Variants in STK3 observed in about 807,000 individuals in gnomAD.
The protein encoded by STK3 is serine/threonine kinase 3, also known as serine/threonine-protein kinase 3.
A neutral mutation model predicts 58.0 loss-of-function variants in STK3; 41 were observed. The observed-to-expected ratio is 0.71, with a 90% CI of 0.55 to 0.92. The LOEUF (loss-of-function observed/expected upper bound fraction) is 0.92. Ranked by LOEUF, STK3 falls within the 40% of genes least tolerant of loss-of-function variation. The pLI is 0.00. For missense variants in STK3, 479 were observed against 602.7 expected, an observed-to-expected ratio of 0.79 and a Z score of 2.15; for synonymous variants, 170 against 191.0, an observed-to-expected ratio of 0.89 and a Z score of 0.91.
chr8:98,812,941 C>G (rs1834316406), intron 1 of STK3, among the ~76,000 whole-genome samples: 1 of 150,910 alleles, frequency 6.6e-6, no homozygotes, highest in Non-Finnish European at 1.5e-5. Context: ...ATGTAAATGA[C>G]AAGTTAATGG....
At chr8:98,675,420 T>C (rs937598600) in intron 6 of STK3, among the ~76,000 whole-genome samples, 4 of 152,230 alleles carry the variant, frequency 2.6e-5, no homozygotes, top group Non-Finnish European at 5.9e-5. Flanking sequence ...ACAAATATTA[T>C]GCATTTTATA....
chr8:98,845,430 T>C (rs912848860), intron 3 of STK3, among the ~76,000 whole-genome samples: 1 of 152,196 alleles, frequency 6.6e-6, no homozygotes, highest in Non-Finnish European at 1.5e-5. Flanking sequence ...TGAGATCTTT[T>C]ATAACTGAGA....
chr8:98,750,135 C>G (rs190504633), intron 3 of STK3, among the ~76,000 whole-genome samples: 2 of 152,194 alleles, frequency 1.3e-5, no homozygotes, highest in East Asian at 3.9e-4. Flanking sequence ...AAATAGGACA[C>G]AACTTTAATG....
chr8:98,828,175 T>C (rs915251246), upstream of STK3, among the ~76,000 whole-genome samples: 2 of 151,896 alleles, frequency 1.3e-5, no homozygotes, highest in African/African-American at 4.8e-5. Flanking sequence ...AGGGTTTCAC[T>C]ATGTTGGCCA....
intron 1 of STK3, among the ~76,000 whole-genome samples, chr8:98,445,036 T>C (rs146488723): frequency 1.0e-3 from 156 of 152,280 alleles, no homozygotes; most frequent in African/African-American, 3.6e-3. Context: ...TATCTTTTGT[T>C]TTCTGTAGTT....
intron 1 of STK3, among the ~76,000 whole-genome samples, chr8:98,893,848 A>G (rs1251039064): frequency 1.3e-5 from 2 of 152,228 alleles, no homozygotes; most frequent in Non-Finnish European, 2.9e-5. Context: ...ACCCTGGCCA[A>G]TTTGACCAAA....
At chr8:98,504,995 G>T (rs556072396) in intron 10 of STK3, among the ~76,000 whole-genome samples, 1 of 152,170 alleles carries the variant, frequency 6.6e-6, no homozygotes, top group South Asian at 2.1e-4. Context: ...TTTCCAATTT[G>T]GTTCCATTCT....
intron 6 of STK3, among the ~76,000 whole-genome samples, chr8:98,622,101 T>TAA (rs35431395): frequency 1.3e-3 from 119 of 91,394 alleles, no homozygotes; most frequent in South Asian, 5.0e-3. Flanking sequence ...CTGTCTCTAC[T>TAA]AAAAAAAAAA....
downstream of STK3, among the ~76,000 whole-genome samples, chr8:98,369,369 G>A (rs1817590693): frequency 6.6e-6 from 1 of 152,168 alleles, no homozygotes; most frequent in African/African-American, 2.4e-5. Flanking sequence ...CAAAAGCAAT[G>A]TATTAAGATT....
intron 3 of STK3, among the ~76,000 whole-genome samples, chr8:98,848,162 C>T (rs779791288): frequency 2.0e-5 from 3 of 152,156 alleles, no homozygotes; most frequent in South Asian, 2.1e-4. Context: ...CATTTTAGAA[C>T]ATTTTTATCA....
intron 1 of STK3, among the ~76,000 whole-genome samples, chr8:98,823,709 G>GT (rs1265641175): frequency 6.6e-6 from 1 of 151,988 alleles, no homozygotes; most frequent in Non-Finnish European, 1.5e-5. Flanking sequence ...TTTTGTTTTT[G>GT]TTTTTTTGAG....
intron 10 of STK3, 90 bp from the exon 11 acceptor site, chr8:98,456,090 GTT>G: frequency 8.1e-7 from 1 of 1,236,020 alleles, no homozygotes; most frequent in South Asian, 1.5e-5. Flanking sequence ...TGTCTAATGA[GTT>G]TTAACATAAA....
At chr8:98,635,470 C>G (rs1299941414) in intron 6 of STK3, among the ~76,000 whole-genome samples, 1 of 152,066 alleles carries the variant, frequency 6.6e-6, no homozygotes, top group Non-Finnish European at 1.5e-5. Context: ...AAATAAAGGA[C>G]AGAGTTGAAA....
At chr8:98,516,344 G>A (rs955383743) in intron 10 of STK3, among the ~76,000 whole-genome samples, 2 of 151,962 alleles carry the variant, frequency 1.3e-5, no homozygotes, top group Non-Finnish European at 2.9e-5. Flanking sequence ...TTTAAAAAAT[G>A]ACAACAAAAA....
chr8:98,386,144 T>C (rs1817789567), intron 1 of STK3, among the ~76,000 whole-genome samples: 1 of 152,150 alleles, frequency 6.6e-6, no homozygotes, highest in Non-Finnish European at 1.5e-5. Context: ...ACAACCCCTA[T>C]AGAAAGAAAT....
chr8:98,446,007 G>C (rs2131106967), intron 1 of STK3, among the ~76,000 whole-genome samples: 1 of 151,986 alleles, frequency 6.6e-6, no homozygotes. Context: ...CTAAACTGCA[G>C]GGCAGAGAGA....
At chr8:98,527,597 G>A (rs2131488268) in intron 9 of STK3, among the ~76,000 whole-genome samples, 1 of 152,110 alleles carries the variant, frequency 6.6e-6, no homozygotes, top group South Asian at 2.1e-4. Flanking sequence ...TCCAGCCTGG[G>A]CAACAGAGCA....
At chr8:98,887,539 A>G (rs1255736471) in intron 1 of STK3, among the ~76,000 whole-genome samples, 1 of 152,222 alleles carries the variant, frequency 6.6e-6, no homozygotes, top group Non-Finnish European at 1.5e-5. Context: ...CTAGTAAAAC[A>G]ACATTCAGCA....
intron 4 of STK3, among the ~76,000 whole-genome samples, chr8:98,711,858 G>C (rs1732076184): frequency 1.3e-5 from 2 of 152,090 alleles, no homozygotes; most frequent in South Asian, 4.1e-4. Flanking sequence ...TGAAATGAAG[G>C]AAAAAATGTT....
Sources: allele counts gnomAD v4.1 joint callset (sites outside exome capture counted in the v4.1 genomes callset), GRCh38; gene constraint gnomAD v4.1.1; transcripts MANE v1.5; gene names NCBI Gene and HGNC (gene_info 2026-07-23, HGNC 2026-07-21).